Variants in SNX24 observed in about 807,000 individuals in gnomAD.
The protein encoded by SNX24 is sorting nexin 24.
SNX24 carries 22 observed loss-of-function variants against 28.7 expected under a neutral mutation model. The observed-to-expected ratio is 0.77, with a 90% confidence interval of 0.55 to 1.10. The LOEUF is 1.10. Among genes scored for constraint, SNX24 ranks in the 50% least tolerant of loss-of-function variants. SNX24 has a pLI of 0.00. For synonymous variants in SNX24, 69 were observed against 71.5 expected (o/e 0.96, Z 0.18); for missense variants, 221 against 201.1 (o/e 1.10, Z -0.60).
At chr5:122,985,426 G>T (rs1205201910) in intron 3 of SNX24, among the ~76,000 whole-genome samples, 1 of 152,136 alleles carries the variant, frequency 6.6e-6, no homozygotes, top group African/African-American at 2.4e-5. Context: ...GTGGATCTGG[G>T]CTTGGTTTAT....
intron 3 of SNX24, among the ~76,000 whole-genome samples, chr5:122,959,958 T>C (rs1760408621): frequency 6.6e-6 from 1 of 152,170 alleles, no homozygotes; most frequent in African/African-American, 2.4e-5. Context: ...CCTTTGACCC[T>C]TTTCAAACAC....
chr5:122,978,507 G>A (rs1761257737), intron 3 of SNX24, among the ~76,000 whole-genome samples: 1 of 152,152 alleles, frequency 6.6e-6, no homozygotes, highest in African/African-American at 2.4e-5. Flanking sequence ...AGAATTCACA[G>A]TTCAGCTGGA....
intron 3 of SNX24, among the ~76,000 whole-genome samples, chr5:122,951,244 G>A (rs1466390456): frequency 7.2e-6 from 1 of 138,184 alleles, no homozygotes; most frequent in Non-Finnish European, 1.5e-5. Context: ...TCCAGCCTGG[G>A]CGACAGAGTG....
At chr5:122,925,005 C>T (rs758052957) in intron 1 of SNX24, among the ~76,000 whole-genome samples, 9 of 148,584 alleles carry the variant, frequency 6.1e-5, no homozygotes, top group African/African-American at 1.7e-4. Flanking sequence ...CTTTCCCCTT[C>T]GTCTTCCCCT....
intron 5 of SNX24, among the ~76,000 whole-genome samples, chr5:123,024,685 T>C (rs1762825550): frequency 6.6e-6 from 1 of 152,204 alleles, no homozygotes; most frequent in Non-Finnish European, 1.5e-5. Flanking sequence ...GGCTACTAGC[T>C]CAGTTCCCAA....
intron 1 of SNX24, among the ~76,000 whole-genome samples, chr5:122,882,730 C>T (rs1420254353): frequency 6.6e-6 from 1 of 152,064 alleles, no homozygotes; most frequent in Non-Finnish European, 1.5e-5. Context: ...ACTGTTTTTT[C>T]CTCCTTTCCT....
downstream of SNX24, among the ~76,000 whole-genome samples, chr5:123,010,908 A>G (rs1468042934): frequency 2.0e-5 from 3 of 151,410 alleles, no homozygotes; most frequent in Admixed American, 1.3e-4. Context: ...ATAAAGTGCT[A>G]TTCTCTTTTT....
In SNX24 at chr5:122,909,738, A is replaced by G. The variant is rs535747584; in HGVS notation, c.61-26996A>G. 3.9e-5 allele frequency among the ~76,000 whole-genome samples: 6 copies of G among 152,272 alleles called. No homozygotes were observed. The East Asian group carries it at 5.8e-4, about 15-fold the overall frequency. ...GTGCTTACCATTGGCCAAACTGTCTATCCCTGAGGTTTCCATGGGGCAGAG... is the reference window on the plus strand; with the variant it reads ...GTGCTTACCATTGGCCAAACTGTCTGTCCCTGAGGTTTCCATGGGGCAGAG... On this transcript the variant is annotated intron_variant, in intron 1 of 6. Transcript: ENST00000261369.
intron 1 of SNX24, among the ~76,000 whole-genome samples, chr5:122,869,068 C>G (rs528896612): frequency 6.6e-6 from 1 of 152,142 alleles, no homozygotes; most frequent in African/African-American, 2.4e-5. Flanking sequence ...AGTGTGCAAC[C>G]AAATTTTTAA....
At chr5:122,909,778 G>A (rs188995422) in intron 1 of SNX24, among the ~76,000 whole-genome samples, 20 of 152,322 alleles carry the variant, frequency 1.3e-4, no homozygotes, top group Middle Eastern at 6.8e-3. Context: ...TGTCTCTTTT[G>A]CTGCCCACTC....
At chr5:122,943,244 G>A (rs531673928) in intron 2 of SNX24, among the ~76,000 whole-genome samples, 3 of 152,034 alleles carry the variant, frequency 2.0e-5, no homozygotes, top group South Asian at 2.1e-4. Flanking sequence ...TGAACCTATC[G>A]CAGTAGTTTC....
intron 1 of SNX24, among the ~76,000 whole-genome samples, chr5:122,927,647 G>A (rs1331224555): frequency 6.6e-6 from 1 of 152,104 alleles, no homozygotes; most frequent in African/African-American, 2.4e-5. Flanking sequence ...GAAGAGAAAG[G>A]CATTTAAAGT....
intron 1 of SNX24, among the ~76,000 whole-genome samples, chr5:122,934,695 G>C (rs1459133445): frequency 5.9e-5 from 9 of 152,146 alleles, no homozygotes; most frequent in Non-Finnish European, 1.3e-4. Flanking sequence ...TCTTCACTTT[G>C]TCATGAAAAT....
intron 1 of SNX24, among the ~76,000 whole-genome samples, chr5:122,890,746 C>G (rs1033889269): frequency 6.6e-6 from 1 of 152,076 alleles, no homozygotes; most frequent in African/African-American, 2.4e-5. Flanking sequence ...GCTGGAAGTA[C>G]AAGTATGAGC....
At chr5:122,959,427 G>A (rs1194832549) in intron 3 of SNX24, among the ~76,000 whole-genome samples, 1 of 151,022 alleles carries the variant, frequency 6.6e-6, no homozygotes, top group Non-Finnish European at 1.5e-5. Flanking sequence ...ACAAGACAAG[G>A]TCTTGCTATG....
intron 3 of SNX24, among the ~76,000 whole-genome samples, chr5:122,961,619 T>C (rs1481352703): frequency 6.6e-6 from 1 of 152,200 alleles, no homozygotes; most frequent in Non-Finnish European, 1.5e-5. Context: ...TTTTACTGAT[T>C]TTATCGAAAC....
chr5:122,902,787 C>T (rs536122317), intron 1 of SNX24, among the ~76,000 whole-genome samples: 79 of 152,298 alleles, frequency 5.2e-4, no homozygotes, highest in African/African-American at 1.8e-3. Flanking sequence ...AAAAGAGCCC[C>T]TTCCCCGTCT....
chr5:122,920,423 T>A (rs1206084752), intron 1 of SNX24, among the ~76,000 whole-genome samples: 2 of 152,198 alleles, frequency 1.3e-5, no homozygotes, highest in African/African-American at 4.8e-5. Flanking sequence ...TGAAAATAAT[T>A]ATTTTGAATG....
At chr5:122,932,974 C>CTA (rs1221338265) in intron 1 of SNX24, among the ~76,000 whole-genome samples, 518 of 151,594 alleles carry the variant, frequency 3.4e-3, no homozygotes, top group Non-Finnish European at 6.4e-3. Context: ...TAACTTAGTA[C>CTA]ATTAGAGGGG....
Sources: allele counts gnomAD v4.1 joint callset (sites outside exome capture counted in the v4.1 genomes callset), GRCh38; gene constraint gnomAD v4.1.1; transcripts MANE v1.5; gene names NCBI Gene and HGNC (gene_info 2026-07-23, HGNC 2026-07-21).